Variants in ADAMTS17 observed in about 807,000 individuals in gnomAD.
ADAMTS17 encodes the protein A disintegrin and metalloproteinase with thrombospondin motifs 17.
Under a neutral mutation model 141.5 loss-of-function variants are expected in ADAMTS17, and 113 were observed. That is an observed-to-expected ratio of 0.80 (90% confidence interval 0.69 to 0.93). The LOEUF is 0.93. Among genes scored for constraint, ADAMTS17 ranks in the 40% least tolerant of loss-of-function variants. The pLI is 0.00. For missense variants in ADAMTS17, 1,659 were observed against 1,517.9 expected, an observed-to-expected ratio of 1.09 and a Z score of -1.54; for synonymous variants, 768 against 630.6, an observed-to-expected ratio of 1.22 and a Z score of -3.27.
chr15:100,225,541 T>C (rs1303468307), intron 7 of ADAMTS17, among the ~76,000 whole-genome samples: 3 of 149,928 alleles, frequency 2.0e-5, no homozygotes, highest in African/African-American at 4.9e-5. Flanking sequence ...ATGCAGTCCT[T>C]ATAGCAGTCA....
chr15:100,310,050 G>T (rs2045353535), intron 3 of ADAMTS17, among the ~76,000 whole-genome samples: 1 of 152,212 alleles, frequency 6.6e-6, no homozygotes, highest in Non-Finnish European at 1.5e-5. Context: ...CGTCCTCGAG[G>T]CTGGGAAATG....
intron 7 of ADAMTS17, among the ~76,000 whole-genome samples, chr15:100,225,137 C>G (rs886943172): frequency 6.6e-6 from 1 of 152,226 alleles, no homozygotes; most frequent in Non-Finnish European, 1.5e-5. Flanking sequence ...GCAAAACATG[C>G]AGCTGCTATT....
At chr15:100,274,004 T>C (rs1400975253) in intron 4 of ADAMTS17, among the ~76,000 whole-genome samples, 1 of 152,230 alleles carries the variant, frequency 6.6e-6, no homozygotes, top group Non-Finnish European at 1.5e-5. Context: ...TTCCTTCTGT[T>C]ACTGATTTCT....
intron 7 of ADAMTS17, among the ~76,000 whole-genome samples, chr15:100,253,027 C>A (rs534396654): frequency 1.3e-5 from 2 of 152,114 alleles, no homozygotes; most frequent in Admixed American, 6.5e-5. Flanking sequence ...GGGGCTCCCC[C>A]AGAAGCTCAG....
rs575490390 is a variant in ADAMTS17 at position 100,230,274 on chromosome 15, G to C, written c.1075+23862C>G. ...CCCCTATCTTTGTGGTACCTTCAAA[G>C]AGAACTCCACATTCTACAGAGCGTC... On this transcript the variant is annotated intron_variant, in intron 7 of 21. Coordinates refer to ENST00000268070, the MANE Select transcript of ADAMTS17 (RefSeq NM_139057.4). Among the ~76,000 whole-genome samples, 11 of 152,320 alleles carry C rather than the reference G, an allele frequency of 7.2e-5. No homozygotes were observed. In the South Asian group the frequency reaches 1.7e-3, roughly 23 times the overall value.
intron 7 of ADAMTS17, among the ~76,000 whole-genome samples, chr15:100,248,277 AC>A (rs2141934282): frequency 6.6e-6 from 1 of 152,326 alleles, no homozygotes; most frequent in East Asian, 1.9e-4. Context: ...TTAGGCTGGC[AC>A]AAAAACCACC....
At chr15:100,059,229 G>C (rs748996789) in intron 15 of ADAMTS17, among the ~76,000 whole-genome samples, 3 of 152,246 alleles carry the variant, frequency 2.0e-5, no homozygotes, top group Non-Finnish European at 2.9e-5. Context: ...TTTGGGGTCA[G>C]CTCTCACAGC....
At position 100,264,471 on chromosome 15, in the gene ADAMTS17, T is replaced by G. The variant is rs186871245; in HGVS notation, c.790-2036A>C. 2.6e-3 allele frequency among the ~76,000 whole-genome samples: 399 copies of G among 152,270 alleles called. 3 individuals are homozygous for G. Among genetic ancestry groups the G allele is most frequent in the South Asian group, 6.4e-3 (31 of 4,822 alleles). ...TTCACTGAGATTGCACAGCACAATC[T>G]AAACACTGCCTGTCACGCCAAGCCC... is the stretch of plus-strand genomic sequence containing the variant. On this transcript the variant is annotated intron_variant, in intron 4 of 21. Coordinates refer to ENST00000268070, the MANE Select transcript of ADAMTS17 (RefSeq NM_139057.4).
chr15:100,089,928 C>T (rs28589317), intron 15 of ADAMTS17, among the ~76,000 whole-genome samples: 15,336 of 149,086 alleles, frequency 0.1, 1,160 homozygotes, highest in African/African-American at 0.22. Flanking sequence ...CACTTGTATA[C>T]ATATGTAACA....
In ADAMTS17 at chr15:99,971,503, A is replaced by ATAATTTT. The variant is rs2060202258; in HGVS notation, c.*2892_*2898dup. 4 of 152,260 alleles carry ATAATTTT rather than the reference A, an allele frequency of 2.6e-5. No individual in the cohort carries two copies. The South Asian group carries it at 8.3e-4, about 31-fold the overall frequency. 9.4% of individuals were successfully genotyped at this position (152,260 alleles called of 1,614,324 possible). A position where few individuals can be genotyped will look rare whatever the true frequency, so the allele number is the denominator to read the frequency against. ...CCAATGAAATGATTAATTTTTCTATATAATTTTCATGTATAATGGCGTCCA... is the reference window on the plus strand; with the variant it reads ...CCAATGAAATGATTAATTTTTCTATATAATTTTTAATTTTCATGTATAATGGCGTCCA... On this transcript the variant is annotated 3_prime_UTR_variant, in exon 22 of 22. Coordinates refer to ENST00000268070, the MANE Select transcript of ADAMTS17 (RefSeq NM_139057.4).
chr15:99,992,911 G>A (rs894451729), intron 20 of ADAMTS17, 137 bp downstream of exon 20: 16 of 1,096,834 alleles, frequency 1.5e-5, no homozygotes, highest in South Asian at 5.6e-5. Context: ...TAGTTGCAGC[G>A]GGTGGAAGGA....
intron 17 of ADAMTS17, among the ~76,000 whole-genome samples, chr15:100,051,102 G>T (rs1361846419): frequency 6.6e-6 from 1 of 152,198 alleles, no homozygotes; most frequent in African/African-American, 2.4e-5. Flanking sequence ...TGTGCAGTCA[G>T]GACTCATGCT....
chr15:100,287,989 G>C lies in ADAMTS17; in HGVS notation c.617-6588C>G, dbSNP rs568491260. 1.7e-4 allele frequency among the ~76,000 whole-genome samples: 26 copies of C among 152,264 alleles called. No homozygotes were observed. The South Asian group carries it at 3.9e-3, about 23-fold the overall frequency. On this transcript the variant is annotated intron_variant, in intron 3 of 21. Transcript: ENST00000268070. ...ATAACCAGCTAGCAACATGATGACA[G>C]GAAGAAATCTGTATATATCGATATT...
At chr15:100,003,310 C>T (rs1306060428) in intron 18 of ADAMTS17, among the ~76,000 whole-genome samples, 1 of 152,062 alleles carries the variant, frequency 6.6e-6, no homozygotes, top group Non-Finnish European at 1.5e-5. Flanking sequence ...ACAGGAGCCA[C>T]ATAACCAGCC....
At chr15:100,136,059 A>C (rs1333661393) in intron 10 of ADAMTS17, among the ~76,000 whole-genome samples, 1 of 152,232 alleles carries the variant, frequency 6.6e-6, no homozygotes, top group Admixed American at 6.5e-5. Flanking sequence ...TCTAATACCC[A>C]GCAATTCGAA....
At chr15:100,243,445 G>C (rs112633639) in intron 7 of ADAMTS17, among the ~76,000 whole-genome samples, 7 of 152,140 alleles carry the variant, frequency 4.6e-5, no homozygotes, top group Non-Finnish European at 8.8e-5. Context: ...AGTGCACAAG[G>C]GTTCCCATCT....
intron 7 of ADAMTS17, among the ~76,000 whole-genome samples, chr15:100,215,226 G>T (rs906106029): frequency 6.6e-6 from 1 of 152,220 alleles, no homozygotes; most frequent in Non-Finnish European, 1.5e-5. Context: ...AGTTGGTGAA[G>T]CAAACTTCCC....
intron 10 of ADAMTS17, among the ~76,000 whole-genome samples, chr15:100,143,929 A>G (rs1421515833): frequency 6.6e-6 from 1 of 152,220 alleles, no homozygotes; most frequent in Non-Finnish European, 1.5e-5. Context: ...AGAAGAACAT[A>G]CAGAGAGGAC....
intron 12 of ADAMTS17, among the ~76,000 whole-genome samples, chr15:100,122,814 G>T (rs1402925551): frequency 2.6e-5 from 4 of 152,164 alleles, no homozygotes; most frequent in Non-Finnish European, 4.4e-5. Context: ...ACATTGAGTT[G>T]GCTGAGAAAG....
Sources: allele counts gnomAD v4.1 joint callset (sites outside exome capture counted in the v4.1 genomes callset), GRCh38; gene constraint gnomAD v4.1.1; transcripts MANE v1.5; gene names NCBI Gene and HGNC (gene_info 2026-07-23, HGNC 2026-07-21).